USH2A: variants seen among roughly 807,000 people sequenced by gnomAD.
USH2A encodes Usher syndrome 2A (autosomal recessive, mild).
In USH2A, 443 loss-of-function variants were observed where a neutral mutation model predicts 538.9. The observed-to-expected ratio is 0.82, with a 90% CI of 0.76 to 0.89. The LOEUF is 0.89. Among genes scored for constraint, USH2A ranks in the 40% least tolerant of loss-of-function variants. The probability of loss-of-function intolerance (pLI) is 0.00; values close to 1 mark genes in which losing one functional copy is unlikely to be tolerated. For synonymous variants in USH2A, 2,413 were observed against 2,273.5 expected (o/e 1.06, Z -1.75); for missense variants, 6,633 against 6,324.8 (o/e 1.05, Z -1.65).
chr1:215,651,612 T>A (rs1051720394), intron 64 of USH2A, among the ~76,000 whole-genome samples: 35 of 150,800 alleles, frequency 2.3e-4, no homozygotes, highest in African/African-American at 8.3e-4. Flanking sequence ...TAAAGACAAA[T>A]CTGAAAAACT....
chr1:216,360,041 G>A (rs532551053), intron 4 of USH2A, among the ~76,000 whole-genome samples: 3 of 152,094 alleles, frequency 2.0e-5, no homozygotes, highest in East Asian at 1.9e-4. Context: ...CTTACCATAC[G>A]ATCCAGTAAT....
chr1:215,924,421 GTATT>G (rs1458004827), intron 38 of USH2A, among the ~76,000 whole-genome samples: 1 of 152,036 alleles, frequency 6.6e-6, no homozygotes, highest in Non-Finnish European at 1.5e-5. Flanking sequence ...ACTTTTGTGA[GTATT>G]TATATAGGCA....
intron 11 of USH2A, among the ~76,000 whole-genome samples, chr1:216,277,099 A>G (rs747528349): frequency 9.2e-5 from 14 of 152,174 alleles, no homozygotes; most frequent in Non-Finnish European, 1.9e-4. Context: ...CCAGGAAACT[A>G]TATACAGCCT....
At chr1:216,371,598 G>T (rs2038715996) in intron 3 of USH2A, among the ~76,000 whole-genome samples, 1 of 152,114 alleles carries the variant, frequency 6.6e-6, no homozygotes. Flanking sequence ...CCAAAGGTAG[G>T]CATTTATATT....
intron 44 of USH2A, among the ~76,000 whole-genome samples, chr1:215,864,187 G>A (rs1178681950): frequency 4.6e-5 from 7 of 152,126 alleles, no homozygotes; most frequent in Admixed American, 1.3e-4. Flanking sequence ...AAGTGTTAAT[G>A]ACTGTTAAGT....
intron 32 of USH2A, among the ~76,000 whole-genome samples, chr1:216,011,220 C>T (rs1668558063): frequency 6.6e-6 from 1 of 152,190 alleles, no homozygotes. Context: ...ATACCTCCCT[C>T]CACAATCCAT....
In USH2A at chr1:216,139,175, T is replaced by G. The variant is rs146857107; in HGVS notation, c.4627+36077A>C. ...TCTAATTACCAACTGCTGAGGAATA[T>G]CAGCCAAGGTCAGAAAGCAAGTGTG... On this transcript the variant is annotated intron_variant, in intron 21 of 71. Transcript: ENST00000307340. Among the ~76,000 whole-genome samples, 4 of 152,266 alleles carry G rather than the reference T, an allele frequency of 2.6e-5. No homozygotes were observed. In the East Asian group the frequency reaches 7.7e-4, roughly 29 times the overall value.
chr1:215,844,417 G>A lies in USH2A; in HGVS notation c.9135C>T (p.Asn3045=). Residue 3045 remains asparagine (N), a synonymous_variant, in exon 46 of 72, where the codon AAC becomes AAT. Transcript: ENST00000307340. ...AATACTCAGTGACAACACCATTTGG[G>A]TTTGAAGGAGATGTCCAGATGACAC... is the stretch of plus-strand genomic sequence containing the variant. The part of the protein sequence containing the change: ...AVRVIWTSPS[N]PNGVVTEYSI... The A allele has an allele frequency of 6.2e-7, 1 of 1,613,570 alleles. No individual in the cohort carries two copies. The highest frequency in any genetic ancestry group is 8.5e-7 in the Non-Finnish European group (1 of 1,179,866).
At chr1:215,966,361 C>T (rs1199718373) in intron 36 of USH2A, among the ~76,000 whole-genome samples, 1 of 152,116 alleles carries the variant, frequency 6.6e-6, no homozygotes. Context: ...AACTCATCAG[C>T]ATCACTCATA....
rs1246077134 is a variant in USH2A, at chr1:216,418,572, A to G, written c.593T>C (p.Ile198Thr). 6.2e-7 allele frequency: 1 copy of G among 1,613,244 alleles called. No homozygotes were observed. Among genetic ancestry groups the G allele is most frequent in the East Asian group, 2.2e-5 (1 of 44,826 alleles). The change falls in exon 3 of 72, where the codon ATA (isoleucine) becomes ACA (threonine). Residue 198 changes from isoleucine to threonine, a missense_variant. Transcript: ENST00000307340. ...AATTCTCCCCAGTGTCATTACTTTT[A>G]TTGGAGGTTGCAAACCATTTACTGT... is the stretch of plus-strand genomic sequence containing the variant. ...YRTVNGLQPP[I>T]KVMTLGRILV...
At chr1:215,842,936 C>A (rs568782705) in intron 46 of USH2A, among the ~76,000 whole-genome samples, 2 of 151,938 alleles carry the variant, frequency 1.3e-5, no homozygotes, top group South Asian at 4.2e-4. Flanking sequence ...GGTAACAAAC[C>A]TACATGTCCT....
intron 47 of USH2A, among the ~76,000 whole-genome samples, chr1:215,824,709 G>A (rs1314202041): frequency 8.5e-5 from 13 of 152,172 alleles, no homozygotes; most frequent in African/African-American, 7.2e-5. Context: ...CACTCCTGAT[G>A]CTTCCTGTGG....
At chr1:216,361,250 A>C (rs115868856) in intron 4 of USH2A, among the ~76,000 whole-genome samples, 7 of 152,258 alleles carry the variant, frequency 4.6e-5, no homozygotes, top group African/African-American at 1.7e-4. Flanking sequence ...AACCTCAAAA[A>C]ATCTATTCCA....
intron 38 of USH2A, among the ~76,000 whole-genome samples, chr1:215,915,837 C>T (rs1484728922): frequency 6.6e-6 from 1 of 151,744 alleles, no homozygotes; most frequent in South Asian, 2.1e-4. Flanking sequence ...CACATATACA[C>T]CATGGAATAC....
chr1:216,348,515 G>A (rs1301561242), intron 4 of USH2A, among the ~76,000 whole-genome samples: 1 of 151,946 alleles, frequency 6.6e-6, no homozygotes, highest in Non-Finnish European at 1.5e-5. Context: ...ACAAACCCAG[G>A]GCTGGGCTCA....
chr1:216,234,876 A>G (rs1572077099), intron 13 of USH2A, among the ~76,000 whole-genome samples: 2 of 152,096 alleles, frequency 1.3e-5, no homozygotes, highest in East Asian at 3.9e-4. Flanking sequence ...CAAGCAGAGA[A>G]GAACTAAAAA....
intron 34 of USH2A, among the ~76,000 whole-genome samples, chr1:215,995,171 G>T (rs1361874262): frequency 6.6e-6 from 1 of 152,042 alleles, no homozygotes; most frequent in Non-Finnish European, 1.5e-5. Context: ...AACACAGTGT[G>T]AATTAAAATT....
chr1:216,241,595 C>T (rs887602678), intron 13 of USH2A, among the ~76,000 whole-genome samples: 24 of 151,312 alleles, frequency 1.6e-4, no homozygotes, highest in Non-Finnish European at 3.1e-4. Context: ...AGTGCAATGG[C>T]GCCATCTCTG....
chr1:215,696,473 T>G (rs1419093688), intron 61 of USH2A, among the ~76,000 whole-genome samples: 1 of 152,192 alleles, frequency 6.6e-6, no homozygotes, highest in Non-Finnish European at 1.5e-5. Flanking sequence ...CACTTCTCTC[T>G]CTTTTCCCTT....
Sources: allele counts gnomAD v4.1 joint callset (sites outside exome capture counted in the v4.1 genomes callset), GRCh38; gene constraint gnomAD v4.1.1; transcripts MANE v1.5; gene names NCBI Gene and HGNC (gene_info 2026-07-23, HGNC 2026-07-21).